Variants in ADAMTS20 observed in about 807,000 individuals in gnomAD.
The protein encoded by ADAMTS20 is ADAM metallopeptidase with thrombospondin type 1 motif 20, also known as A disintegrin and metalloproteinase with thrombospondin motifs 20.
ADAMTS20 carries 225 observed loss-of-function variants against 260.1 expected under a neutral mutation model. The ratio of observed to expected loss-of-function variants is 0.87; its 90% CI spans 0.78 to 0.97. ADAMTS20 has a LOEUF of 0.97. Ranked by LOEUF, ADAMTS20 falls within the 50% of genes least tolerant of loss-of-function variation. The pLI, the probability that ADAMTS20 is intolerant of heterozygous loss-of-function variation, is 0.00. For synonymous variants in ADAMTS20, 802 were observed against 769.5 expected (o/e 1.04, Z -0.70); for missense variants, 2,400 against 2,337.7 (o/e 1.03, Z -0.55).
At chr12:43,445,691 C>A (rs1361411253) in intron 15 of ADAMTS20, among the ~76,000 whole-genome samples, 1 of 151,720 alleles carries the variant, frequency 6.6e-6, no homozygotes, top group Non-Finnish European at 1.5e-5. Flanking sequence ...CACACACACA[C>A]ACACACACAA....
chr12:43,407,800 G>C (rs1486875638), intron 28 of ADAMTS20, among the ~76,000 whole-genome samples: 2 of 152,130 alleles, frequency 1.3e-5, no homozygotes, highest in African/African-American at 4.8e-5. Context: ...AGAAGCAATA[G>C]TAAATGTAAG....
chr12:43,518,198 C>G (rs1315686869), intron 3 of ADAMTS20, among the ~76,000 whole-genome samples: 1 of 152,070 alleles, frequency 6.6e-6, no homozygotes. Flanking sequence ...ACTCTTAACT[C>G]TCCTTTATGA....
At chr12:43,529,387 G>C (rs903820112) in intron 3 of ADAMTS20, among the ~76,000 whole-genome samples, 1 of 152,120 alleles carries the variant, frequency 6.6e-6, no homozygotes, top group African/African-American at 2.4e-5. Flanking sequence ...CAGTTGCAAA[G>C]ATATGAAACC....
At chr12:43,449,324 G>A (rs142068179) in intron 14 of ADAMTS20, among the ~76,000 whole-genome samples, 1,556 of 152,134 alleles carry the variant, frequency 0.01, 18 homozygotes, top group Non-Finnish European at 0.012. Flanking sequence ...ATAAAATGAC[G>A]TCTTTTACAG....
rs1304114215 is a variant in ADAMTS20, at chr12:43,415,065, T to C, written c.4284+10449A>G. On this transcript the variant is annotated intron_variant, in intron 28 of 38. Coordinates refer to ENST00000389420, the MANE Select transcript of ADAMTS20 (RefSeq NM_025003.5). ...CTAGGATTGCAATGGGAAACTACAA[T>C]TACACGCAACGTAAATGAGTCTCAA... Among the ~76,000 whole-genome samples the C allele has an allele frequency of 2.0e-5, 3 of 152,160 alleles. No individual in the cohort carries two copies. The East Asian group carries it at 5.8e-4, about 29-fold the overall frequency.
chr12:43,549,312 A>G (rs990446485), intron 2 of ADAMTS20, among the ~76,000 whole-genome samples: 1 of 152,000 alleles, frequency 6.6e-6, no homozygotes, highest in African/African-American at 2.4e-5. Flanking sequence ...CAAAAAAAGT[A>G]TGATGATGAC....
Position 43,361,691 on chromosome 12 carries a change from G to A in ADAMTS20, c.5539-5103C>T, listed in dbSNP as rs7960041. Among the ~76,000 whole-genome samples, 691 of 152,314 alleles carry A rather than the reference G, an allele frequency of 4.5e-3. 6 individuals carry two copies. Among genetic ancestry groups the A allele is most frequent in the African/African-American group, 0.016 (662 of 41,570 alleles). On this transcript the variant is annotated intron_variant, in intron 37 of 38. Transcript: ENST00000389420. ...GGATTACAGAGACATTGGAGAAAGG[G>A]AGTTAGAAAGAAATGGAAATAGCTA...
At chr12:43,480,626 AAAG>A (rs145552969) in intron 7 of ADAMTS20, among the ~76,000 whole-genome samples, 193 of 152,328 alleles carry the variant, frequency 1.3e-3, no homozygotes, top group African/African-American at 4.4e-3. Context: ...TTCAGCCTTT[AAAG>A]AAGAAGAACA....
At chr12:43,432,577 T>A (rs988556921) in intron 20 of ADAMTS20, 24 bp downstream of exon 20, 33 of 1,609,760 alleles carry the variant, frequency 2.1e-5, no homozygotes, top group Non-Finnish European at 2.8e-5. Flanking sequence ...GGCAACTTTT[T>A]TTAAGCAATC....
intron 36 of ADAMTS20, among the ~76,000 whole-genome samples, chr12:43,371,423 C>G (rs1330116791): frequency 6.6e-6 from 1 of 152,054 alleles, no homozygotes; most frequent in Admixed American, 6.5e-5. Flanking sequence ...GCCAATGGAA[C>G]CTGAGTCTTA....
intron 37 of ADAMTS20, among the ~76,000 whole-genome samples, chr12:43,362,747 C>T (rs1939898844): frequency 6.6e-6 from 1 of 151,436 alleles, no homozygotes; most frequent in South Asian, 2.1e-4. Context: ...TTCTTGATTT[C>T]ACCACACCAA....
chr12:43,483,335 A>G (rs1942470400), intron 7 of ADAMTS20, among the ~76,000 whole-genome samples: 1 of 152,100 alleles, frequency 6.6e-6, no homozygotes, highest in Non-Finnish European at 1.5e-5. Flanking sequence ...GACAAAAGAA[A>G]CCAGACTGGA....
chr12:43,470,411 A>G (rs1245547136), intron 7 of ADAMTS20, among the ~76,000 whole-genome samples: 1 of 152,202 alleles, frequency 6.6e-6, no homozygotes, highest in African/African-American at 2.4e-5. Context: ...AGAGATTTGT[A>G]AAAATATGTA....
chr12:43,428,580 A>G (rs1188567624), intron 25 of ADAMTS20, 49 bp from the exon 26 acceptor site: 30 of 1,477,174 alleles, frequency 2.0e-5, no homozygotes, highest in Non-Finnish European at 2.6e-5. Context: ...ATTTATATTT[A>G]ATATCAAATA....
rs547321584 is a variant in ADAMTS20 at position 43,551,106 on chromosome 12, C to T, written c.256G>A (p.Gly86Arg). 2.5e-6 allele frequency: 4 copies of T among 1,613,818 alleles called. No individual in the cohort carries two copies. The Admixed American group carries it at 5.0e-5, about 20-fold the overall frequency. ...GTCAGGTTCAGCTGGAAGAGCTGCC[C>T]GTAGGCAGTGAAGCGATAGTGGGTT... ...FRTHYRFTAY[G>R]QLFQLNLTAD... Residue 86 changes from glycine to arginine, a missense_variant, in exon 2 of 39, where the codon GGG (glycine) becomes AGG (arginine). Gly to Arg is a moderately radical substitution (Grantham distance 125). Transcript: ENST00000389420. This position sits in a 1 kb window ranked among gnomAD's most constrained non-coding sequence, Gnocchi z 4.6.
chr12:43,395,337 A>G (rs1940677414), intron 29 of ADAMTS20, among the ~76,000 whole-genome samples: 2 of 152,178 alleles, frequency 1.3e-5, no homozygotes, highest in Non-Finnish European at 2.9e-5. Context: ...TTCAAATTAT[A>G]AAACATATAT....
At chr12:43,421,292 A>AAAAAC (rs1941232080) in intron 28 of ADAMTS20, among the ~76,000 whole-genome samples, 2 of 151,566 alleles carry the variant, frequency 1.3e-5, no homozygotes, top group Non-Finnish European at 1.5e-5. Flanking sequence ...CAAAAAAAAA[A>AAAAAC]AAAAAACTTT....
At chr12:43,520,221 C>T (rs950156979) in intron 3 of ADAMTS20, among the ~76,000 whole-genome samples, 47 of 152,112 alleles carry the variant, frequency 3.1e-4, no homozygotes, top group Non-Finnish European at 5.4e-4. Flanking sequence ...TCCAAGAAAA[C>T]ATGCACATCA....
chr12:43,505,127 A>G (rs1205611579), intron 3 of ADAMTS20, among the ~76,000 whole-genome samples: 3 of 152,214 alleles, frequency 2.0e-5, no homozygotes, highest in African/African-American at 7.2e-5. Context: ...ACCACTCAAT[A>G]TAGAAAGACT....
Sources: allele counts gnomAD v4.1 joint callset (sites outside exome capture counted in the v4.1 genomes callset), GRCh38; gene constraint gnomAD v4.1.1; non-coding constraint Gnocchi (gnomAD v3.1); transcripts MANE v1.5; gene names NCBI Gene and HGNC (gene_info 2026-07-23, HGNC 2026-07-21).